The following WDFY3 variants were observed in gnomAD, a reference collection of about 807,000 sequenced individuals.
WDFY3 encodes WD repeat and FYVE domain containing 3.
Under a neutral mutation model 409.6 loss-of-function variants are expected in WDFY3, and 66 were observed. The ratio of observed to expected loss-of-function variants is 0.16; its 90% CI spans 0.13 to 0.20. WDFY3 has a LOEUF of 0.20. WDFY3 is among the 10% of genes least tolerant of loss of function. The pLI, the probability that WDFY3 is intolerant of heterozygous loss-of-function variation, is 1.00. For synonymous variants in WDFY3, 1,521 were observed against 1,537.1 expected (o/e 0.99, Z 0.25); for missense variants, 3,031 against 4,298.1 (o/e 0.71, Z 8.24).
In WDFY3 at chr4:84,683,973, T is replaced by A; in HGVS notation, c.9696A>T (p.Ile3232=). ...EMNEWDTQNV[I]VTGHSDGVVR... is the part of the protein sequence containing the mutation. ...CCACTCCATCTGAGTGTCCTGTCAC[T>A]ATGACGTTCTGCGTGTCCCATTCGT... Residue 3232 remains isoleucine (I), a synonymous_variant, in exon 63 of 68, where the codon ATA becomes ATT. Transcript: ENST00000295888. 6.2e-7 allele frequency: 1 copy of A among 1,610,016 alleles called. No homozygotes were observed. The highest frequency in any genetic ancestry group is 8.5e-7 in the Non-Finnish European group (1 of 1,176,624).
At chr4:84,680,424 G>T (rs1727164924) in intron 64 of WDFY3, among the ~76,000 whole-genome samples, 1 of 152,140 alleles carries the variant, frequency 6.6e-6, no homozygotes, top group East Asian at 1.9e-4. Context: ...TGAGTAGCTG[G>T]GACCACACGT....
intron 6 of WDFY3, among the ~76,000 whole-genome samples, chr4:84,840,680 C>A (rs1273194175): frequency 6.6e-6 from 1 of 152,052 alleles, no homozygotes; most frequent in African/African-American, 2.4e-5. Context: ...CAGGCTCAAG[C>A]AATCCTCTTG....
chr4:84,871,728 G>A (rs565934197), intron 3 of WDFY3, among the ~76,000 whole-genome samples: 14 of 151,878 alleles, frequency 9.2e-5, no homozygotes, highest in Non-Finnish European at 1.6e-4. Flanking sequence ...TCAAACTCCC[G>A]TGATCAAGTG....
intron 2 of WDFY3, among the ~76,000 whole-genome samples, chr4:84,898,419 GT>G (rs1000284480): frequency 3.7e-4 from 56 of 152,104 alleles, no homozygotes; most frequent in Admixed American, 1.8e-3. Context: ...GTAGAAAAGA[GT>G]TTTTTTGTTT....
intron 1 of WDFY3, chr4:84,965,953 G>C: frequency 6.6e-6 from 1 of 152,556 alleles, no homozygotes; most frequent in Admixed American, 6.5e-5. Flanking sequence ...ACCCGTCCGC[G>C]ACGGCGCCCT....
At position 84,733,383 on chromosome 4, in the gene WDFY3, G is replaced by C; in HGVS notation, c.7220C>G (p.Ala2407Gly). Residue 2407 changes from alanine to glycine, a missense_variant and splice_region_variant, in exon 44 of 68, where the codon GCG (alanine) becomes GGG (glycine). Ala to Gly is a moderately conservative substitution (Grantham distance 60). Coordinates refer to ENST00000295888, the MANE Select transcript of WDFY3 (RefSeq NM_014991.6). The part of the protein sequence containing the change: ...VPETEQETNV[A>G]SEIPSKQPET... Reference sequence around the variant, plus strand: ...GATCATTGAATTCTGCATACTCACCGCCACATTTGTCTCTTGCTCAGTTTC... The same window carrying C: ...GATCATTGAATTCTGCATACTCACCCCCACATTTGTCTCTTGCTCAGTTTC... 6.2e-7 allele frequency: 1 copy of C among 1,613,608 alleles called. No homozygotes were observed. The highest frequency in any genetic ancestry group is 8.5e-7 in the Non-Finnish European group (1 of 1,179,684).
At chr4:84,927,898 C>T (rs1327778475) in intron 2 of WDFY3, among the ~76,000 whole-genome samples, 1 of 152,182 alleles carries the variant, frequency 6.6e-6, no homozygotes, top group Non-Finnish European at 1.5e-5. Context: ...GCTGGTAAAG[C>T]AGTAATTATT....
chr4:84,962,701 T>C (rs1432282773), intron 1 of WDFY3, among the ~76,000 whole-genome samples: 1 of 146,916 alleles, frequency 6.8e-6, no homozygotes, highest in African/African-American at 2.5e-5. Context: ...TGAGATGGAG[T>C]CTCACTCTGT....
chr4:84,791,494 T>C (rs1024301330), intron 21 of WDFY3, among the ~76,000 whole-genome samples: 23 of 152,198 alleles, frequency 1.5e-4, no homozygotes, highest in African/African-American at 4.8e-4. Context: ...ACTGCAACTA[T>C]AGTCAACAAT....
chr4:84,773,313 A>T (rs75727165), intron 29 of WDFY3, among the ~76,000 whole-genome samples: 5,714 of 152,320 alleles, frequency 0.038, 209 homozygotes, highest in Admixed American at 0.11. Context: ...GGGAAAATAC[A>T]GTTCTTCGAA....
At position 84,724,407 on chromosome 4, in the gene WDFY3, A is replaced by C. The variant is rs745554932; in HGVS notation, c.7441+19T>G. On this transcript the variant is annotated intron_variant, in intron 46 of 67. Coordinates refer to ENST00000295888, the MANE Select transcript of WDFY3 (RefSeq NM_014991.6). ...TGTTCCAAAATCACTTTTAATCAAA[A>C]TCAAAAAGGCAGGCTGACCTTTGAC... 6.3e-6 allele frequency: 10 copies of C among 1,583,178 alleles called. 1 individual carries two copies. Among genetic ancestry groups the C allele is most frequent in the Middle Eastern group, 3.4e-4 (2 of 5,896 alleles).
At chr4:84,883,406 G>A (rs1186060611) in intron 3 of WDFY3, among the ~76,000 whole-genome samples, 2 of 152,152 alleles carry the variant, frequency 1.3e-5, no homozygotes, top group South Asian at 4.1e-4. Flanking sequence ...TTCTCCAAGT[G>A]TAAATCAGTT....
chr4:84,901,613 A>G (rs1225914073), intron 2 of WDFY3, among the ~76,000 whole-genome samples: 1 of 152,238 alleles, frequency 6.6e-6, no homozygotes, highest in African/African-American at 2.4e-5. Flanking sequence ...AATGGCCATT[A>G]CATTTCAACA....
rs1734049966 is a variant in WDFY3, at chr4:84,716,972, C to T, written c.7799G>A (p.Ser2600Asn). 6.2e-7 allele frequency: 1 copy of T among 1,609,392 alleles called. No individual in the cohort carries two copies. Residue 2600 changes from serine to asparagine, a missense_variant, in exon 49 of 68, where the codon AGT (serine) becomes AAT (asparagine). Coordinates refer to ENST00000295888, the MANE Select transcript of WDFY3 (RefSeq NM_014991.6). ...AATGCTGCATGTTCTCTTGAGTTGA[C>T]TAGGGCCTTGCCTGGCTCCTCTAGG... ...IIPRGARQGP[S>N]QLKRTCSIFA...
At chr4:84,815,710 A>G (rs986725052) in intron 13 of WDFY3, among the ~76,000 whole-genome samples, 10 of 152,060 alleles carry the variant, frequency 6.6e-5, no homozygotes, top group African/African-American at 2.4e-4. Context: ...AATGAGCTGA[A>G]TTTTTCTCAG....
chr4:84,772,008 G>A (rs562256735), intron 30 of WDFY3, among the ~76,000 whole-genome samples: 1 of 152,266 alleles, frequency 6.6e-6, no homozygotes, highest in African/African-American at 2.4e-5. Flanking sequence ...GGCTGTGCTC[G>A]GGAAGGACAG....
At chr4:84,758,406 T>G (rs188420450) in intron 32 of WDFY3, among the ~76,000 whole-genome samples, 1 of 152,208 alleles carries the variant, frequency 6.6e-6, no homozygotes, top group African/African-American at 2.4e-5. Context: ...CAACCATGCC[T>G]GGCTAATTAA....
chr4:84,688,891 C>T (rs1728780110), intron 61 of WDFY3, among the ~76,000 whole-genome samples: 2 of 152,038 alleles, frequency 1.3e-5, no homozygotes, highest in Admixed American at 6.6e-5. Flanking sequence ...AAAGAACTTC[C>T]CTCTTTTGCT....
Position 84,736,540 on chromosome 4 carries a change from G to A in WDFY3, c.6758-213C>T, listed in dbSNP as rs964921493. On this transcript the variant is annotated intron_variant, in intron 41 of 67. Transcript: ENST00000295888. Reference sequence around the variant, plus strand: ...ATTGTATTAGCTGAACTGATAGTTGGTTGAAAGTTCACAGCTCTGTAATAA... The same window carrying A: ...ATTGTATTAGCTGAACTGATAGTTGATTGAAAGTTCACAGCTCTGTAATAA... Among the ~76,000 whole-genome samples the A allele has an allele frequency of 8.4e-4, 127 of 151,828 alleles. 2 individuals are homozygous for A. Among genetic ancestry groups the A allele is most frequent in the Admixed American group, 2.4e-3 (37 of 15,240 alleles).
Sources: gnomAD v4.1 joint callset for allele counts (sites outside exome capture counted in the v4.1 genomes callset) on GRCh38, gnomAD v4.1.1 for gene constraint, MANE v1.5 for transcripts, NCBI Gene and HGNC (gene_info 2026-07-23, HGNC 2026-07-21) for gene names.